CDC42BPA: variants seen among roughly 807,000 people sequenced by gnomAD.
CDC42BPA encodes serine/threonine-protein kinase MRCK alpha.
CDC42BPA carries 80 observed loss-of-function variants against 223.5 expected under a neutral mutation model. That is an observed-to-expected ratio of 0.36 (90% confidence interval 0.30 to 0.43). The LOEUF is 0.43. CDC42BPA is among the 20% of genes least tolerant of loss of function. The pLI, the probability that CDC42BPA is intolerant of heterozygous loss-of-function variation, is 1.00. For synonymous variants in CDC42BPA, 694 were observed against 718.6 expected (o/e 0.97, Z 0.55); for missense variants, 1,743 against 2,099.9 (o/e 0.83, Z 3.32).
chr1:227,257,146 G>A (rs1353256320), intron 1 of CDC42BPA, among the ~76,000 whole-genome samples: 1 of 152,112 alleles, frequency 6.6e-6, no homozygotes, highest in African/African-American at 2.4e-5. Context: ...AATTCATAGA[G>A]ACAGAAAGTA....
intron 17 of CDC42BPA, among the ~76,000 whole-genome samples, chr1:227,079,845 T>TAC (rs1166835400): frequency 4.6e-5 from 7 of 150,984 alleles, no homozygotes; most frequent in Non-Finnish European, 8.9e-5. Flanking sequence ...AGACCAAAAG[T>TAC]ATTTTGGATT....
intron 3 of CDC42BPA, among the ~76,000 whole-genome samples, chr1:227,203,260 C>A (rs1183963915): frequency 6.6e-6 from 1 of 152,172 alleles, no homozygotes; most frequent in East Asian, 1.9e-4. Flanking sequence ...TACGTTTTTG[C>A]TTCAACATAT....
rs192796351 is a variant in CDC42BPA, at chr1:227,014,781, A to G, written c.4857+1299T>C. On this transcript the variant is annotated intron_variant, in intron 34 of 36. Coordinates refer to ENST00000366766, the MANE Select transcript of CDC42BPA (RefSeq NM_001394014.1). The stretch of plus-strand genomic sequence containing the variant: ...TGAATTATACTTAAAATTCTGCGCA[A>G]AATTTAGCAGCTATCACTACCAATC... Among the ~76,000 whole-genome samples the G allele has an allele frequency of 7.0e-3, 1,068 of 152,254 alleles. 5 individuals are homozygous for G. The highest frequency in any genetic ancestry group is 8.8e-3 in the Non-Finnish European group (597 of 68,016).
At chr1:227,314,203 T>C (rs1693992095) in intron 1 of CDC42BPA, among the ~76,000 whole-genome samples, 1 of 152,088 alleles carries the variant, frequency 6.6e-6, no homozygotes, top group African/African-American at 2.4e-5. Context: ...CGACTATTAC[T>C]GTATACACAA....
chr1:227,007,489 A>G (rs888109720), intron 34 of CDC42BPA, among the ~76,000 whole-genome samples: 8 of 152,228 alleles, frequency 5.3e-5, no homozygotes, highest in African/African-American at 7.2e-5. Flanking sequence ...CCAGATACTA[A>G]TAACAATTTG....
chr1:227,234,598 A>T (rs368348609), intron 2 of CDC42BPA: 1 of 152,386 alleles, frequency 6.6e-6, no homozygotes, highest in South Asian at 2.1e-4. Flanking sequence ...TTTCTGAACC[A>T]AGAAAAGCCT....
chr1:227,047,086 C>T (rs1672603518), intron 23 of CDC42BPA, among the ~76,000 whole-genome samples: 1 of 151,712 alleles, frequency 6.6e-6, no homozygotes, highest in African/African-American at 2.4e-5. Flanking sequence ...TTCATCTTAT[C>T]TTCCCTCCTA....
chr1:227,265,639 A>C (rs968172118), intron 1 of CDC42BPA, among the ~76,000 whole-genome samples: 1 of 152,064 alleles, frequency 6.6e-6, no homozygotes, highest in Non-Finnish European at 1.5e-5. Context: ...TTAAAAAAAA[A>C]AAAAAAAGAT....
chr1:227,157,980 C>T lies in CDC42BPA; in HGVS notation c.693+2563G>A, dbSNP rs189742998. Among the ~76,000 whole-genome samples the T allele has an allele frequency of 1.3e-3, 188 of 140,120 alleles. 2 individuals are homozygous for T. The highest frequency in any genetic ancestry group is 4.6e-3 in the African/African-American group (172 of 37,710). 91.9% of individuals were successfully genotyped at this position (140,120 alleles called of 152,430 possible). On this transcript the variant is annotated intron_variant, in intron 6 of 36. Transcript: ENST00000366766. ...CTTTTTTTTTTTTTCTTTTTTGAGACGCAGTCTCATTCTGTTGCCCAGGCT... is the reference window on the plus strand; with the variant it reads ...CTTTTTTTTTTTTTCTTTTTTGAGATGCAGTCTCATTCTGTTGCCCAGGCT...
intron 2 of CDC42BPA, among the ~76,000 whole-genome samples, chr1:227,233,002 T>C (rs1285470100): frequency 6.6e-6 from 1 of 152,192 alleles, no homozygotes; most frequent in African/African-American, 2.4e-5. Context: ...TGCAGTTCGA[T>C]CTCAGACTGC....
chr1:227,287,432 G>T (rs1473981158), intron 1 of CDC42BPA, among the ~76,000 whole-genome samples: 2 of 152,034 alleles, frequency 1.3e-5, no homozygotes, highest in Non-Finnish European at 2.9e-5. Context: ...TATCCTTCTG[G>T]AAGTCCAGAA....
At chr1:227,133,264 C>T (rs537047381) in intron 10 of CDC42BPA, among the ~76,000 whole-genome samples, 12 of 151,308 alleles carry the variant, frequency 7.9e-5, no homozygotes, top group South Asian at 2.1e-4. Flanking sequence ...AGGTGAGGGG[C>T]GCCTCTGCCC....
intron 8 of CDC42BPA, among the ~76,000 whole-genome samples, chr1:227,143,374 G>A (rs888511939): frequency 1.3e-5 from 2 of 152,212 alleles, no homozygotes; most frequent in Non-Finnish European, 2.9e-5. Context: ...GACACGTGCA[G>A]AGCAGAGAAA....
intron 22 of CDC42BPA, among the ~76,000 whole-genome samples, chr1:227,049,185 G>T (rs1265429419): frequency 6.6e-6 from 1 of 151,566 alleles, no homozygotes; most frequent in Non-Finnish European, 1.5e-5. Flanking sequence ...AAAACAATAG[G>T]AAACAAAGTC....
At chr1:227,214,539 A>T (rs1278532838) in intron 2 of CDC42BPA, among the ~76,000 whole-genome samples, 1 of 152,226 alleles carries the variant, frequency 6.6e-6, no homozygotes, top group Admixed American at 6.5e-5. Flanking sequence ...TGAACACACC[A>T]CGTGAGCTAT....
intron 21 of CDC42BPA, among the ~76,000 whole-genome samples, chr1:227,056,320 T>A (rs1337258423): frequency 6.6e-6 from 1 of 152,160 alleles, no homozygotes; most frequent in Non-Finnish European, 1.5e-5. Flanking sequence ...CTAGCTTGCA[T>A]CTAACAAGTT....
chr1:227,265,093 C>CT, intron 1 of CDC42BPA: 1 of 773,876 alleles, frequency 1.3e-6, no homozygotes, highest in Non-Finnish European at 2.4e-6. Flanking sequence ...CAAGGTAAAA[C>CT]TAACAGTACC....
intron 19 of CDC42BPA, among the ~76,000 whole-genome samples, chr1:227,073,383 TAAAG>T (rs1678822721): frequency 1.3e-5 from 2 of 152,084 alleles, no homozygotes; most frequent in Non-Finnish European, 1.5e-5. Flanking sequence ...TCTAAATACA[TAAAG>T]AAACATGAAA....
intron 1 of CDC42BPA, among the ~76,000 whole-genome samples, chr1:227,315,886 G>A (rs1167863089): frequency 7.2e-6 from 1 of 138,652 alleles, no homozygotes; most frequent in Non-Finnish European, 1.5e-5. Context: ...AATAATTAAA[G>A]TTATTACGTG....
Sources: allele counts gnomAD v4.1 joint callset (sites outside exome capture counted in the v4.1 genomes callset), GRCh38; gene constraint gnomAD v4.1.1; transcripts MANE v1.5; gene names NCBI Gene and HGNC (gene_info 2026-07-23, HGNC 2026-07-21).